The following SLC7A9 variants were observed in gnomAD, a reference collection of about 807,000 sequenced individuals.
SLC7A9 encodes B(0,+)-type amino acid transporter 1.
A neutral mutation model predicts 54.1 loss-of-function variants in SLC7A9; 38 were observed. The ratio of observed to expected loss-of-function variants is 0.70; its 90% CI spans 0.54 to 0.92. SLC7A9 has a LOEUF of 0.92. Among genes scored for constraint, SLC7A9 ranks in the 40% least tolerant of loss-of-function variants. The pLI, the probability that SLC7A9 is intolerant of heterozygous loss-of-function variation, is 0.00. For synonymous variants in SLC7A9, 264 were observed against 258.9 expected (o/e 1.02, Z -0.19); for missense variants, 537 against 636.1 (o/e 0.84, Z 1.68).
intron 9 of SLC7A9, among the ~76,000 whole-genome samples, chr19:32,846,568 C>A (rs909755912): frequency 6.6e-6 from 1 of 152,222 alleles, no homozygotes; most frequent in Non-Finnish European, 1.5e-5. Context: ...GCCTGCCTGC[C>A]TCTGTAGGCT....
At chr19:32,853,671 C>T (rs1057399180) in intron 9 of SLC7A9, among the ~76,000 whole-genome samples, 2 of 152,014 alleles carry the variant, frequency 1.3e-5, no homozygotes, top group Admixed American at 1.3e-4. Context: ...AATCCCAACA[C>T]TTTGGGAGGC....
In SLC7A9 at chr19:32,843,877, G is replaced by C; in HGVS notation, c.1052C>G (p.Pro351Arg). Residue 351 changes from proline to arginine, a missense_variant, in exon 10 of 13, where the codon CCA becomes CGA. Pro to Arg is a moderately radical substitution (Grantham distance 103, BLOSUM62 -2). Transcript: ENST00000023064. ...CACATAAAAGATGATGGCGGGGGCT[G>C]GAGTGAGGCGCCTGACGCTGATGTA... is the stretch of plus-strand genomic sequence containing the variant. ...LSYISVRRLT[P>R]APAIIFYGII... 1 of 1,613,600 alleles carries C rather than the reference G, an allele frequency of 6.2e-7. No individual in the cohort carries two copies.
intron 2 of SLC7A9, among the ~76,000 whole-genome samples, chr19:32,867,762 T>C (rs1969014784): frequency 6.6e-6 from 1 of 151,744 alleles, no homozygotes; most frequent in South Asian, 2.1e-4. Flanking sequence ...CTGGCCAATA[T>C]GGTGAAACCT....
At chr19:32,847,878 C>T (rs149349906) in intron 9 of SLC7A9, among the ~76,000 whole-genome samples, 1,598 of 152,246 alleles carry the variant, frequency 0.01, 27 homozygotes, top group African/African-American at 0.037. Flanking sequence ...TGGGGGCCAA[C>T]ATTCAGCATT....
intron 9 of SLC7A9, among the ~76,000 whole-genome samples, chr19:32,849,214 A>G (rs1968389754): frequency 6.6e-6 from 1 of 152,202 alleles, no homozygotes; most frequent in African/African-American, 2.4e-5. Context: ...TAGAGACACA[A>G]AAAACCCTTC....
At chr19:32,866,360 G>A (rs1024113500) in intron 2 of SLC7A9, among the ~76,000 whole-genome samples, 17 of 152,200 alleles carry the variant, frequency 1.1e-4, no homozygotes, top group African/African-American at 4.1e-4. Context: ...GGGACTGCCT[G>A]GGTTCTGATG....
intron 6 of SLC7A9, 28 bp downstream of exon 6, chr19:32,862,090 A>C: frequency 1.3e-6 from 2 of 1,495,226 alleles, no homozygotes; most frequent in Non-Finnish European, 1.9e-6. Flanking sequence ...ACCCACCCCC[A>C]GACTCGGGAC....
chr19:32,844,423 G>A (rs527548798), intron 9 of SLC7A9, among the ~76,000 whole-genome samples: 24 of 152,204 alleles, frequency 1.6e-4, no homozygotes, highest in African/African-American at 5.1e-4. Context: ...TGTTCCTCCT[G>A]TCTAGCTGTA....
intron 9 of SLC7A9, among the ~76,000 whole-genome samples, chr19:32,851,270 A>C (rs1968458685): frequency 6.6e-6 from 1 of 151,742 alleles, no homozygotes; most frequent in Non-Finnish European, 1.5e-5. Flanking sequence ...TTCGCAACCT[A>C]CTCATCTGAC....
chr19:32,862,298 T>C (rs1204918687), intron 5 of SLC7A9, 81 bp from the exon 6 acceptor site: 1 of 1,437,852 alleles, frequency 7.0e-7, no homozygotes, highest in Non-Finnish European at 9.8e-7. Context: ...ATGGGCATGA[T>C]TGTGACCCCA....
At chr19:32,839,253 C>T (rs983842280) in intron 11 of SLC7A9, among the ~76,000 whole-genome samples, 3 of 152,016 alleles carry the variant, frequency 2.0e-5, no homozygotes, top group Non-Finnish European at 4.4e-5. Flanking sequence ...CTGGGTGATT[C>T]CTCAAGGTCT....
intron 8 of SLC7A9, among the ~76,000 whole-genome samples, chr19:32,858,753 C>T (rs1968703339): frequency 8.0e-6 from 1 of 124,988 alleles, no homozygotes; most frequent in South Asian, 2.6e-4. Flanking sequence ...TTATCTACTA[C>T]TCCCTGGCAT....
chr19:32,836,604 G>C (rs1388751944), intron 11 of SLC7A9, among the ~76,000 whole-genome samples: 1 of 152,142 alleles, frequency 6.6e-6, no homozygotes, highest in Non-Finnish European at 1.5e-5. Flanking sequence ...GGGGTTCGGG[G>C]CTTGATACAA....
At chr19:32,850,003 A>G (rs1175966853) in intron 9 of SLC7A9, among the ~76,000 whole-genome samples, 119 of 151,628 alleles carry the variant, frequency 7.8e-4, no homozygotes, top group Admixed American at 2.6e-4. Context: ...AAAAACTCTC[A>G]ATAAATTAGG....
chr19:32,868,009 T>A (rs1354821523), intron 2 of SLC7A9, among the ~76,000 whole-genome samples: 2 of 144,666 alleles, frequency 1.4e-5, no homozygotes, highest in Non-Finnish European at 1.5e-5. Flanking sequence ...TTTGGGAGGA[T>A]CACCTGAGGC....
intron 12 of SLC7A9, chr19:32,832,774 T>A: frequency 3.5e-6 from 1 of 285,628 alleles, no homozygotes; most frequent in East Asian, 8.4e-5. Flanking sequence ...TAGCCAGGTG[T>A]AGTGTGTGCC....
At chr19:32,832,733 G>A (rs974116852) in intron 12 of SLC7A9, 7 of 223,156 alleles carry the variant, frequency 3.1e-5, no homozygotes, top group East Asian at 1.1e-4. Flanking sequence ...GCCACCTAGC[G>A]AGACTCCTTC....
At chr19:32,844,514 G>A (rs971214233) in intron 9 of SLC7A9, among the ~76,000 whole-genome samples, 1 of 151,968 alleles carries the variant, frequency 6.6e-6, no homozygotes, top group African/African-American at 2.4e-5. Flanking sequence ...TGGCTAACCA[G>A]AATTTCTTGA....
rs976544503 is a variant in SLC7A9, at chr19:32,845,819, C to T, written c.978-1868G>A. Among the ~76,000 whole-genome samples, 4 of 152,072 alleles carry T rather than the reference C, an allele frequency of 2.6e-5. 1 individual carries two copies. The South Asian group carries it at 8.3e-4, about 32-fold the overall frequency. ...GGTCAGGAGTTCGAGACCAGCCTGG[C>T]CAACATAGTGAAACCCCCTCTCTCC... On this transcript the variant is annotated intron_variant, in intron 9 of 12. Transcript: ENST00000023064.
Sources: gnomAD v4.1 joint callset for allele counts (sites outside exome capture counted in the v4.1 genomes callset) on GRCh38, gnomAD v4.1.1 for gene constraint, MANE v1.5 for transcripts, NCBI Gene and HGNC (gene_info 2026-07-23, HGNC 2026-07-21) for gene names.